COX18: variants seen among roughly 807,000 people sequenced by gnomAD.
COX18 encodes the protein cytochrome c oxidase assembly protein COX18, mitochondrial.
COX18 carries 45 observed loss-of-function variants against 38.0 expected under a neutral mutation model. The observed-to-expected ratio is 1.18, with a 90% CI of 0.93 to 1.52. COX18 has a LOEUF of 1.52. COX18 is among the 40% of genes most tolerant of loss of function. The pLI is 0.00. For synonymous variants in COX18, 177 were observed against 169.8 expected (o/e 1.04, Z -0.33); for missense variants, 462 against 423.8 (o/e 1.09, Z -0.79).
Position 73,053,846 on chromosome 4 carries a change from T to A in COX18, c.*4268A>T, listed in dbSNP as rs16849150. 23,851 of 152,208 alleles carry A rather than the reference T, an allele frequency of 0.16. 1,975 individuals are homozygous for A. Among genetic ancestry groups the A allele is most frequent in the South Asian group, 0.2 (946 of 4,824 alleles). 9.4% of individuals were successfully genotyped at this position (152,208 alleles called of 1,614,324 possible). Reference sequence around the variant, plus strand: ...ATGGGATTTGTTCAGTTTTCTCTTCTAACGGTCCCAGGGAAAAGTAATTTG... The same window carrying A: ...ATGGGATTTGTTCAGTTTTCTCTTCAAACGGTCCCAGGGAAAAGTAATTTG... On this transcript the variant is annotated 3_prime_UTR_variant, in exon 6 of 6. Transcript: ENST00000507544.
rs532287617 is a variant in COX18 at position 73,053,127 on chromosome 4, T to A, written c.*4987A>T. ...TTCACACTAACTACAATTTTCCCAATGTCATCTAGGAGGACCTCTGTACCT... is the reference window on the plus strand; with the variant it reads ...TTCACACTAACTACAATTTTCCCAAAGTCATCTAGGAGGACCTCTGTACCT... On this transcript the variant is annotated 3_prime_UTR_variant, in exon 6 of 6. Coordinates refer to ENST00000507544, the MANE Select transcript of COX18 (RefSeq NM_001297732.2). The A allele has an allele frequency of 1.1e-4, 17 of 152,284 alleles. No homozygotes were observed. The South Asian group carries it at 2.1e-3, about 19-fold the overall frequency. 9.4% of individuals were successfully genotyped at this position (152,284 alleles called of 1,614,324 possible).
chr4:73,054,468 C>G lies in COX18; in HGVS notation c.*3646G>C, dbSNP rs1222458220. 6.6e-6 allele frequency: 1 copy of G among 152,160 alleles called. No individual in the cohort carries two copies. Among genetic ancestry groups the G allele is most frequent in the Middle Eastern group, 3.2e-3 (1 of 316 alleles). The allele number at this position is 152,160 out of a possible 1,614,324, so 9.4% of individuals were successfully genotyped here. A position where few individuals can be genotyped will look rare whatever the true frequency, so the allele number is the denominator to read the frequency against. On this transcript the variant is annotated 3_prime_UTR_variant, in exon 6 of 6. Coordinates refer to ENST00000507544, the MANE Select transcript of COX18 (RefSeq NM_001297732.2). The stretch of plus-strand genomic sequence containing the variant: ...CTTCAGTTCATAATACACCAGTTTT[C>G]TTTATACATGGGTTTATCCCAAGAT...
At chr4:73,064,748 G>T in intron 4 of COX18, 30 bp downstream of exon 4, 2 of 1,605,742 alleles carry the variant, frequency 1.2e-6, no homozygotes, top group South Asian at 2.2e-5. Context: ...CCCCATAAAT[G>T]GCAAACAAAT....
intron 2 of COX18, among the ~76,000 whole-genome samples, 165 bp downstream of exon 2, chr4:73,067,864 A>AATATATATAT (rs1377330345): frequency 0.036 from 707 of 19,816 alleles, 6 homozygotes; most frequent in Non-Finnish European, 0.08. Context: ...AAAAAAAAAA[A>AATATATATAT]ATATATATAT....
intron 4 of COX18, 120 bp from the exon 5 acceptor site, chr4:73,062,040 T>C (rs992828928): frequency 1.1e-4 from 66 of 601,674 alleles, no homozygotes; most frequent in Non-Finnish European, 1.8e-4. Flanking sequence ...AAAAGTTATA[T>C]ATATACACAC....
At chr4:73,065,960 CT>C (rs1560475033) in intron 2 of COX18, among the ~76,000 whole-genome samples, 3 of 152,078 alleles carry the variant, frequency 2.0e-5, no homozygotes, top group African/African-American at 7.2e-5. Flanking sequence ...TGAAATTTTA[CT>C]TTTTAGAATA....
At chr4:73,061,766 C>CAGA in intron 5 of COX18, 47 bp downstream of exon 5, 1 of 1,001,818 alleles carries the variant, frequency 1.0e-6, no homozygotes, top group Non-Finnish European at 1.6e-6. Context: ...AAGCTAAAGT[C>CAGA]AGAGAGGATT....
rs1177355782 is a variant in COX18, at chr4:73,057,102, CAG to C, written c.*1010_*1011del. 1 of 149,302 alleles carries C rather than the reference CAG, an allele frequency of 6.7e-6. No homozygotes were observed. The highest frequency in any genetic ancestry group is 6.8e-5 in the Admixed American group (1 of 14,804). The allele number at this position is 149,302 out of a possible 1,614,324, so 9.2% of individuals were successfully genotyped here. On this transcript the variant is annotated 3_prime_UTR_variant, in exon 6 of 6. Transcript: ENST00000507544. Reference sequence around the variant, plus strand: ...TGCCACTGCACTCCAGCCTAGGTGACAGAGAGAGACTCTGTCTCATTAAAAAA... The same window carrying C: ...TGCCACTGCACTCCAGCCTAGGTGACAGAGAGACTCTGTCTCATTAAAAAA...
At position 73,057,986 on chromosome 4, in the gene COX18, A is replaced by T; in HGVS notation, c.*128T>A. The T allele has an allele frequency of 1.4e-6, 1 of 704,434 alleles. No homozygotes were observed. The highest frequency in any genetic ancestry group is 2.3e-6 in the Non-Finnish European group (1 of 428,524). 43.6% of individuals were successfully genotyped at this position (704,434 alleles called of 1,614,324 possible). A position where few individuals can be genotyped will look rare whatever the true frequency, so the allele number is the denominator to read the frequency against. On this transcript the variant is annotated 3_prime_UTR_variant, in exon 6 of 6. Transcript: ENST00000507544. ...TGTGCCTGGTCTGGATTACATCTTAACCTACAATATTTCATGAAGTTAATG... is the reference window on the plus strand; with the variant it reads ...TGTGCCTGGTCTGGATTACATCTTATCCTACAATATTTCATGAAGTTAATG...
Position 73,061,924 on chromosome 4 carries a change from A to T in COX18, c.724-4T>A, listed in dbSNP as rs1279887613. ...CAATTTTTTGTAGAGCACAAATCTGAAGGGGTAGAACATATACATGCATAA... is the reference window on the plus strand; with the variant it reads ...CAATTTTTTGTAGAGCACAAATCTGTAGGGGTAGAACATATACATGCATAA... On this transcript the variant is annotated splice_region_variant and splice_polypyrimidine_tract_variant and intron_variant, in intron 4 of 5. Coordinates refer to ENST00000507544, the MANE Select transcript of COX18 (RefSeq NM_001297732.2). 6.8e-7 allele frequency: 1 copy of T among 1,478,030 alleles called. No homozygotes were observed. The highest frequency in any genetic ancestry group is 9.5e-7 in the Non-Finnish European group (1 of 1,057,386). 91.6% of individuals were successfully genotyped at this position (1,478,030 alleles called of 1,614,324 possible).
intron 5 of COX18, among the ~76,000 whole-genome samples, chr4:73,060,172 T>C (rs1252590511): frequency 6.6e-6 from 1 of 152,256 alleles, no homozygotes; most frequent in African/African-American, 2.4e-5. Context: ...ACTTGTCTCA[T>C]CATCCCTAAG....
intron 2 of COX18, among the ~76,000 whole-genome samples, chr4:73,066,563 C>T (rs539846322): frequency 6.6e-6 from 1 of 152,252 alleles, no homozygotes; most frequent in Admixed American, 6.5e-5. Context: ...AAGAAAATGC[C>T]AGAAGCCCTC....
At chr4:73,067,864 A>AAAAAAAATATATATATATATATAT in intron 2 of COX18, among the ~76,000 whole-genome samples, 165 bp downstream of exon 2, 1 of 20,020 alleles carries the variant, frequency 5.0e-5, no homozygotes, top group African/African-American at 9.1e-5. Context: ...AAAAAAAAAA[A>AAAAAAAATATATATATATATATAT]ATATATATAT....
intron 4 of COX18, among the ~76,000 whole-genome samples, chr4:73,062,974 CA>C (rs1484714163): frequency 6.6e-6 from 1 of 151,950 alleles, no homozygotes; most frequent in Non-Finnish European, 1.5e-5. Flanking sequence ...AGGGTTATTC[CA>C]AGAAGTAAAT....
Position 73,057,986 on chromosome 4 carries a change from A to G in COX18, c.*128T>C. The G allele has an allele frequency of 1.4e-6, 1 of 704,436 alleles. No individual in the cohort carries two copies. Among genetic ancestry groups the G allele is most frequent in the Non-Finnish European group, 2.3e-6 (1 of 428,524 alleles). The allele number at this position is 704,436 out of a possible 1,614,324, so 43.6% of individuals were successfully genotyped here. On this transcript the variant is annotated 3_prime_UTR_variant, in exon 6 of 6. Transcript: ENST00000507544. Reference sequence around the variant, plus strand: ...TGTGCCTGGTCTGGATTACATCTTAACCTACAATATTTCATGAAGTTAATG... The same window carrying G: ...TGTGCCTGGTCTGGATTACATCTTAGCCTACAATATTTCATGAAGTTAATG...
rs752231626 is a variant in COX18, at chr4:73,069,681, C to T, written c.-32G>A. The T allele has an allele frequency of 3.9e-6, 6 of 1,532,986 alleles. 1 individual carries two copies. In the South Asian group the frequency reaches 5.9e-5, roughly 15 times the overall value. 95.0% of individuals were successfully genotyped at this position (1,532,986 alleles called of 1,614,324 possible). A position where few individuals can be genotyped will look rare whatever the true frequency, so the allele number is the denominator to read the frequency against. ...ACCACGGCGGAGCCCAGATCCCGGG[C>T]CTCACAATCCAGCGGACATACACCG... On this transcript the variant is annotated 5_prime_UTR_variant, in exon 1 of 6. Coordinates refer to ENST00000507544, the MANE Select transcript of COX18 (RefSeq NM_001297732.2).
At position 73,065,288 on chromosome 4, in the gene COX18, G is replaced by A. The variant is rs756280658; in HGVS notation, c.560C>T (p.Ala187Val). The A allele has an allele frequency of 6.2e-6, 10 of 1,613,028 alleles. No individual in the cohort carries two copies. In the Admixed American group the frequency reaches 6.7e-5, roughly 11 times the overall value. Reference sequence around the variant, plus strand: ...TGCCCCCGTGCTTAAATTCCGGAGAGCAAAAGACATGAAGATCCACATTGG... The same window carrying A: ...TGCCCCCGTGCTTAAATTCCGGAGAACAAAAGACATGAAGATCCACATTGG... Reference protein sequence around the residue: ...QLPMWIFMSFALRNLSTGAAH... With the variant: ...QLPMWIFMSFVLRNLSTGAAH... Residue 187 changes from alanine (A) to valine (V), a missense_variant, in exon 3 of 6, where the codon GCT (alanine) becomes GTT (valine). Coordinates refer to ENST00000507544, the MANE Select transcript of COX18 (RefSeq NM_001297732.2).
intron 4 of COX18, among the ~76,000 whole-genome samples, chr4:73,062,835 CA>C (rs1436259179): frequency 7.7e-6 from 1 of 130,428 alleles, no homozygotes. Flanking sequence ...AGACCGTCTC[CA>C]AAAAAAAGAA....
Position 73,061,906 on chromosome 4 carries a change from T to C in COX18, c.738A>G (p.Gln246=), listed in dbSNP as rs749982764. The C allele has an allele frequency of 2.4e-5, 39 of 1,603,972 alleles. No homozygotes were observed. In the Admixed American group the frequency reaches 6.0e-4, roughly 25 times the overall value. The change falls in exon 5 of 6, where the codon CAA becomes CAG. Residue 246 remains glutamine (Q), a synonymous_variant. Coordinates refer to ENST00000507544, the MANE Select transcript of COX18 (RefSeq NM_001297732.2). ...TCTGAAAACGAGACATTCCAATTTT[T>C]TGTAGAGCACAAATCTGAAGGGGTA... ...NLLIVEICAL[Q]KIGMSRFQTY...
Sources: gnomAD v4.1 joint callset for allele counts (sites outside exome capture counted in the v4.1 genomes callset) on GRCh38, gnomAD v4.1.1 for gene constraint, MANE v1.5 for transcripts, NCBI Gene and HGNC (gene_info 2026-07-23, HGNC 2026-07-21) for gene names.